Variants in SMG6 observed in about 807,000 individuals in gnomAD.
The protein encoded by SMG6 is telomerase-binding protein EST1A.
A neutral mutation model predicts 142.2 loss-of-function variants in SMG6; 66 were observed. That is an observed-to-expected ratio of 0.46 (90% CI 0.38 to 0.57). SMG6 has a LOEUF of 0.57. Ranked by LOEUF, SMG6 falls within the 20% of genes least tolerant of loss-of-function variation. The pLI, the probability that SMG6 is intolerant of heterozygous loss-of-function variation, is 0.00. For missense variants in SMG6, 1,793 were observed against 1,832.0 expected (o/e 0.98, Z 0.39); for synonymous variants, 779 against 702.4 (o/e 1.11, Z -1.72).
In SMG6 at chr17:2,267,287, C is replaced by T. The variant is rs79538641; in HGVS notation, c.2661+15360G>A. ...TGGAGCAGTCAAGACTCACTGCAGCCTCAACCTTCCAGACCAGAGTATTCT... is the reference window on the plus strand; with the variant it reads ...TGGAGCAGTCAAGACTCACTGCAGCTTCAACCTTCCAGACCAGAGTATTCT... On this transcript the variant is annotated intron_variant, in intron 8 of 18. Transcript: ENST00000263073. 9.4e-3 allele frequency among the ~76,000 whole-genome samples: 1,435 copies of T among 152,188 alleles called. 11 individuals carry two copies. The highest frequency in any genetic ancestry group is 0.015 in the Non-Finnish European group (1,008 of 67,996).
intron 13 of SMG6, chr17:2,087,077 G>C: frequency 7.7e-7 from 1 of 1,290,432 alleles, no homozygotes; most frequent in Admixed American, 2.3e-5. Context: ...GTACTAACCT[G>C]GAGACTACTG....
chr17:2,091,852 GTGT>G lies in SMG6; in HGVS notation c.3358-5954_3358-5952del, dbSNP rs141269398. Among the ~76,000 whole-genome samples, 62 of 150,474 alleles carry G rather than the reference GTGT, an allele frequency of 4.1e-4. No individual in the cohort carries two copies. The South Asian group carries it at 7.8e-3, about 19-fold the overall frequency. On this transcript the variant is annotated intron_variant, in intron 13 of 18. Coordinates refer to ENST00000263073, the MANE Select transcript of SMG6 (RefSeq NM_017575.5). ...CGCCCAGCTAATTTTGTGTGTGTGTGTGTTTTTTTTTAGTAGAGACGAGGTTTC... is the reference window on the plus strand; with the variant it reads ...CGCCCAGCTAATTTTGTGTGTGTGTGTTTTTTTTAGTAGAGACGAGGTTTC...
At chr17:2,298,755 G>T in intron 2 of SMG6, 151 bp downstream of exon 2, 1 of 660,948 alleles carries the variant, frequency 1.5e-6, no homozygotes, top group Non-Finnish European at 2.6e-6. Context: ...TAAAACTTCT[G>T]TTCTGTTTCC....
chr17:2,081,765 C>A, intron 15 of SMG6, 45 bp downstream of exon 15: 1 of 1,606,920 alleles, frequency 6.2e-7, no homozygotes, highest in Non-Finnish European at 8.5e-7. Context: ...ATGCCCTAGA[C>A]AGCAACCCCC....
chr17:2,139,450 C>T (rs1279321489), intron 13 of SMG6, among the ~76,000 whole-genome samples: 3 of 134,904 alleles, frequency 2.2e-5, no homozygotes, highest in African/African-American at 8.7e-5. Context: ...GAGATGGAGT[C>T]TCACTCTGTC....
At chr17:2,245,326 C>T (rs1004507793) in intron 8 of SMG6, among the ~76,000 whole-genome samples, 10 of 152,182 alleles carry the variant, frequency 6.6e-5, no homozygotes, top group African/African-American at 2.4e-4. Context: ...TATGACTATT[C>T]CACTCCAGTT....
Position 2,065,624 on chromosome 17 carries a change from C to G in SMG6, c.3891G>C (p.Gly1297=). The change falls in exon 17 of 19, where the codon GGG becomes GGC. Residue 1297 remains glycine, a synonymous_variant. Transcript: ENST00000263073. ...TCTCTTGTACCACACGGGCGTAGCC[C>G]CCAGCCCGGTGGTCTGTCTCCTGCC... is the stretch of plus-strand genomic sequence containing the variant. ...AKGQETDHRA[G]GYARVVQEKA... 1 of 1,614,006 alleles carries G rather than the reference C, an allele frequency of 6.2e-7. No homozygotes were observed. Among genetic ancestry groups the G allele is most frequent in the Non-Finnish European group, 8.5e-7 (1 of 1,180,028 alleles).
intron 13 of SMG6, among the ~76,000 whole-genome samples, chr17:2,131,141 T>C (rs2070107714): frequency 6.6e-6 from 1 of 152,248 alleles, no homozygotes. Flanking sequence ...TGCTATTAAA[T>C]GAATGCCAGT....
chr17:2,127,026 C>T (rs1433918480), intron 13 of SMG6, among the ~76,000 whole-genome samples: 4 of 150,880 alleles, frequency 2.7e-5, no homozygotes, highest in Non-Finnish European at 5.9e-5. Context: ...GTGGTCCCAG[C>T]TACTTAGGAA....
chr17:2,191,907 A>G (rs2072176278), intron 10 of SMG6, among the ~76,000 whole-genome samples: 1 of 152,256 alleles, frequency 6.6e-6, no homozygotes, highest in Non-Finnish European at 1.5e-5. Flanking sequence ...ATTTCTAATT[A>G]GTGCTATACA....
At chr17:2,244,152 G>A (rs2073876494) in intron 9 of SMG6, among the ~76,000 whole-genome samples, 1 of 152,178 alleles carries the variant, frequency 6.6e-6, no homozygotes, top group Non-Finnish European at 1.5e-5. Context: ...AACCGTAAGA[G>A]GCTTGGTATC....
At chr17:2,179,065 G>A (rs1218329642) in intron 12 of SMG6, among the ~76,000 whole-genome samples, 2 of 152,202 alleles carry the variant, frequency 1.3e-5, no homozygotes, top group South Asian at 4.1e-4. Context: ...GGGGACAGGG[G>A]CTCCTGCCGT....
intron 1 of SMG6, chr17:2,303,261 G>A: frequency 5.7e-6 from 6 of 1,054,588 alleles, no homozygotes; most frequent in Non-Finnish European, 6.9e-6. Context: ...CCCGCGGAGG[G>A]CGGCCTGGAG....
At chr17:2,238,736 A>G (rs1028220735) in intron 9 of SMG6, among the ~76,000 whole-genome samples, 5 of 152,200 alleles carry the variant, frequency 3.3e-5, no homozygotes, top group Non-Finnish European at 7.3e-5. Flanking sequence ...GGAATTGGAA[A>G]CAGATCCATT....
At chr17:2,225,375 C>T (rs181406918) in intron 10 of SMG6, among the ~76,000 whole-genome samples, 203 of 151,338 alleles carry the variant, frequency 1.3e-3, no homozygotes, top group African/African-American at 4.7e-3. Context: ...TGTGGTCATG[C>T]CCTTGTAATC....
At chr17:2,268,657 A>C (rs1224075039) in intron 8 of SMG6, among the ~76,000 whole-genome samples, 2 of 152,258 alleles carry the variant, frequency 1.3e-5, no homozygotes, top group African/African-American at 4.8e-5. Context: ...CACGCTTATA[A>C]TCCCAGCACT....
At chr17:2,117,591 C>T (rs2069547452) in intron 13 of SMG6, 1 of 152,074 alleles carries the variant, frequency 6.6e-6, no homozygotes, top group Non-Finnish European at 1.5e-5. Flanking sequence ...ATAAACTTAA[C>T]AGACAATGTA....
intron 13 of SMG6, among the ~76,000 whole-genome samples, chr17:2,121,184 C>T (rs956757905): frequency 6.6e-5 from 10 of 152,152 alleles, no homozygotes; most frequent in Admixed American, 3.3e-4. Flanking sequence ...AACACATGTC[C>T]AAAAACAGAT....
intron 13 of SMG6, among the ~76,000 whole-genome samples, chr17:2,114,227 G>A (rs148483770): frequency 0.015 from 2,234 of 152,232 alleles, 62 homozygotes; most frequent in African/African-American, 0.05. Context: ...CCTAGATTGC[G>A]CCATTGCACT....
Sources: gnomAD v4.1 joint callset for allele counts (sites outside exome capture counted in the v4.1 genomes callset) on GRCh38, gnomAD v4.1.1 for gene constraint, MANE v1.5 for transcripts, NCBI Gene and HGNC (gene_info 2026-07-23, HGNC 2026-07-21) for gene names.